DPYD: variants seen among roughly 807,000 people sequenced by gnomAD.
DPYD encodes dihydropyrimidine dehydrogenase [NADP(+)].
In DPYD, 109 loss-of-function variants were observed where a neutral mutation model predicts 116.2. That is an observed-to-expected ratio of 0.94 (90% CI 0.80 to 1.10). The LOEUF (loss-of-function observed/expected upper bound fraction) is 1.10, where lower values mean the gene tolerates loss of function less well. Among genes scored for constraint, DPYD ranks in the 50% least tolerant of loss-of-function variants. DPYD has a pLI of 0.00. For missense variants in DPYD, 1,302 were observed against 1,254.5 expected, an observed-to-expected ratio of 1.04 and a Z score of -0.57; for synonymous variants, 440 against 432.0, an observed-to-expected ratio of 1.02 and a Z score of -0.23.
At chr1:97,283,553 G>A (rs1490810549) in intron 18 of DPYD, among the ~76,000 whole-genome samples, 1 of 151,848 alleles carries the variant, frequency 6.6e-6, no homozygotes, top group Non-Finnish European at 1.5e-5. Flanking sequence ...TGAAATAACT[G>A]CCATATTCAT....
chr1:97,856,610 A>G (rs1247131313), intron 2 of DPYD: 2 of 152,250 alleles, frequency 1.3e-5, no homozygotes, highest in East Asian at 3.8e-4. Context: ...CAAGTGAAAC[A>G]TTTAGCAGAG....
chr1:97,368,871 A>AC lies in DPYD; in HGVS notation c.2058+4689dup, dbSNP rs527664306. Among the ~76,000 whole-genome samples, 33 of 152,360 alleles carry AC rather than the reference A, an allele frequency of 2.2e-4. No homozygotes were observed. In the South Asian group the frequency reaches 6.4e-3, roughly 30 times the overall value. The stretch of plus-strand genomic sequence containing the variant: ...AGGTCTACCTTGTTATTGTTGCATG[A>AC]CAATGCAGGCCAGGGAAGGCCATAT... On this transcript the variant is annotated intron_variant, in intron 16 of 22. Transcript: ENST00000370192.
chr1:97,291,421 A>T (rs1319934227), intron 18 of DPYD, among the ~76,000 whole-genome samples: 1 of 151,914 alleles, frequency 6.6e-6, no homozygotes, highest in East Asian at 1.9e-4. Flanking sequence ...ACAATAGCAA[A>T]GACTTGGAAC....
At chr1:97,504,517 G>A (rs551094434) in intron 13 of DPYD, among the ~76,000 whole-genome samples, 1 of 152,060 alleles carries the variant, frequency 6.6e-6, no homozygotes, top group South Asian at 2.1e-4. Flanking sequence ...TAGCTTCCTA[G>A]GAGTTTCCTA....
chr1:97,080,406 T>C (rs1193827682), intron 22 of DPYD, among the ~76,000 whole-genome samples: 1 of 152,072 alleles, frequency 6.6e-6, no homozygotes, highest in East Asian at 1.9e-4. Context: ...CCCCTCCAAA[T>C]GAAGCTGCAT....
chr1:97,867,389 G>A lies in DPYD; in HGVS notation c.150+15875C>T, dbSNP rs187772957. 2.4e-3 allele frequency among the ~76,000 whole-genome samples: 368 copies of A among 151,940 alleles called. 5 individuals carry two copies. The highest frequency in any genetic ancestry group is 9.3e-3 in the Admixed American group (141 of 15,218). On this transcript the variant is annotated intron_variant, in intron 2 of 22. Transcript: ENST00000370192. ...TTGTGGGTTATGCCACTGTTGATAC[G>A]AGAAGAAAACTGCTTTGAAATGAAG...
At chr1:97,309,472 A>G (rs1407039704) in intron 16 of DPYD, among the ~76,000 whole-genome samples, 2 of 151,744 alleles carry the variant, frequency 1.3e-5, no homozygotes, top group African/African-American at 4.8e-5. Flanking sequence ...ATGGCATTAT[A>G]AGCAGAAAGA....
At chr1:97,225,747 T>G (rs113083193) in intron 19 of DPYD, among the ~76,000 whole-genome samples, 184 of 152,208 alleles carry the variant, frequency 1.2e-3, no homozygotes, top group African/African-American at 4.2e-3. Context: ...TATTTTTCTT[T>G]TGTTGCATGT....
chr1:97,371,991 G>A (rs1407465373), intron 16 of DPYD, among the ~76,000 whole-genome samples: 1 of 152,146 alleles, frequency 6.6e-6, no homozygotes, highest in Non-Finnish European at 1.5e-5. Context: ...AAAACTTTAT[G>A]TGGCTAAATA....
At position 97,186,783 on chromosome 1, in the gene DPYD, G is replaced by T. The variant is rs143566707; in HGVS notation, c.2622+6286C>A. Among the ~76,000 whole-genome samples, 30 of 152,244 alleles carry T rather than the reference G, an allele frequency of 2.0e-4. No individual in the cohort carries two copies. In the East Asian group the frequency reaches 5.2e-3, roughly 27 times the overall value. The stretch of plus-strand genomic sequence containing the variant: ...AGAATCGCTTGAATCTGAGAGGCAG[G>T]GTTGCAGTGAGCCGAGAACGTGCCA... On this transcript the variant is annotated intron_variant, in intron 20 of 22. Transcript: ENST00000370192.
intron 12 of DPYD, among the ~76,000 whole-genome samples, chr1:97,538,736 C>G (rs1650201496): frequency 6.6e-6 from 1 of 152,110 alleles, no homozygotes; most frequent in South Asian, 2.1e-4. Flanking sequence ...AGCTGAAAAA[C>G]ACTGCAGAGA....
At chr1:97,595,305 A>G in intron 8 of DPYD, 139 bp from the exon 9 acceptor site, 2 of 656,956 alleles carry the variant, frequency 3.0e-6, no homozygotes, top group African/African-American at 1.8e-5. Context: ...TCAATATAAA[A>G]TGTACATAAT....
At chr1:97,547,496 T>C (rs2811165) in intron 12 of DPYD, among the ~76,000 whole-genome samples, 3,841 of 152,240 alleles carry the variant, frequency 0.025, 156 homozygotes, top group African/African-American at 0.087. Context: ...TCTGTCTCTG[T>C]TTAAATTGTG....
chr1:97,490,393 A>T (rs1363726242), intron 13 of DPYD, among the ~76,000 whole-genome samples: 1 of 148,002 alleles, frequency 6.8e-6, no homozygotes, highest in Non-Finnish European at 1.5e-5. Flanking sequence ...CATATATATT[A>T]CATATATTAC....
chr1:97,086,474 G>A (rs1649529917), intron 21 of DPYD, among the ~76,000 whole-genome samples: 1 of 151,756 alleles, frequency 6.6e-6, no homozygotes, highest in Non-Finnish European at 1.5e-5. Flanking sequence ...AATTTATTAC[G>A]ACTAATATTA....
intron 3 of DPYD, among the ~76,000 whole-genome samples, chr1:97,781,147 C>T (rs1666720906): frequency 6.6e-6 from 1 of 152,182 alleles, no homozygotes; most frequent in African/African-American, 2.4e-5. Flanking sequence ...AAACCTCCAC[C>T]TGTATCTTCA....
At chr1:97,779,489 T>C (rs1038675700) in intron 3 of DPYD, among the ~76,000 whole-genome samples, 13 of 152,026 alleles carry the variant, frequency 8.6e-5, no homozygotes, top group Non-Finnish European at 1.8e-4. Context: ...CAAAATAAAG[T>C]ACCTGTCTAC....
In DPYD at chr1:97,661,913, T is replaced by C. The variant is rs191800664; in HGVS notation, c.850+17182A>G. ...ACATACACACGTGTATATACACATA[T>C]ACACACATAATATCAAGTTTTATTT... On this transcript the variant is annotated intron_variant, in intron 8 of 22. Coordinates refer to ENST00000370192, the MANE Select transcript of DPYD (RefSeq NM_000110.4). 7.0e-4 allele frequency among the ~76,000 whole-genome samples: 106 copies of C among 151,552 alleles called. 1 individual carries two copies. The highest frequency in any genetic ancestry group is 1.0e-4 in the Non-Finnish European group (7 of 67,820).
At chr1:97,210,548 T>C (rs1313185547) in intron 19 of DPYD, among the ~76,000 whole-genome samples, 1 of 152,156 alleles carries the variant, frequency 6.6e-6, no homozygotes, top group Non-Finnish European at 1.5e-5. Context: ...ATCTGCTTTG[T>C]GCCTAATATT....
Sources: gnomAD v4.1 joint callset for allele counts (sites outside exome capture counted in the v4.1 genomes callset) on GRCh38, gnomAD v4.1.1 for gene constraint, MANE v1.5 for transcripts, NCBI Gene and HGNC (gene_info 2026-07-23, HGNC 2026-07-21) for gene names.